The following ZNF264 variants were observed in gnomAD, a reference collection of about 807,000 sequenced individuals.
ZNF264 encodes zinc finger protein 264.
Under a neutral mutation model 11.2 loss-of-function variants are expected in ZNF264, and 11 were observed. The ratio of observed to expected loss-of-function variants is 0.98; its 90% CI spans 0.62 to 1.63. The LOEUF is 1.63. Among genes scored for constraint, ZNF264 ranks in the 40% most tolerant of loss-of-function variants. The pLI is 0.00. For synonymous variants in ZNF264, 309 were observed against 279.8 expected (o/e 1.10, Z -1.04); for missense variants, 752 against 768.1 (o/e 0.98, Z 0.25).
At chr19:57,198,281 C>CT (rs1399110007) in intron 2 of ZNF264, among the ~76,000 whole-genome samples, 1 of 151,998 alleles carries the variant, frequency 6.6e-6, no homozygotes, top group Non-Finnish European at 1.5e-5. Context: ...CAGTCATTCT[C>CT]TAAGATCCGT....
chr19:57,221,847 CAGT>C lies in ZNF264; in HGVS notation c.*8871_*8873del, dbSNP rs1427446584. On this transcript the variant is annotated 3_prime_UTR_variant, in exon 4 of 4. Transcript: ENST00000263095. ...CTACTCCTGTTTTGGGTGGGTGGAG[CAGT>C]AGTAAGCCTCCCAAAATCTAAGGTC... is the stretch of plus-strand genomic sequence containing the variant. 1.3e-5 allele frequency: 2 copies of C among 152,080 alleles called. No individual in the cohort carries two copies. The highest frequency in any genetic ancestry group is 4.8e-5 in the African/African-American group (2 of 41,406). 9.4% of individuals were successfully genotyped at this position (152,080 alleles called of 1,614,324 possible). A position where few individuals can be genotyped will look rare whatever the true frequency, so the allele number is the denominator to read the frequency against.
intron 2 of ZNF264, among the ~76,000 whole-genome samples, chr19:57,197,801 C>CCA (rs2087223085): frequency 6.6e-6 from 1 of 151,948 alleles, no homozygotes; most frequent in African/African-American, 2.4e-5. Context: ...TCTTGACAGG[C>CCA]CACACACCAC....
At position 57,191,591 on chromosome 19, in the gene ZNF264, G is replaced by C. The variant is rs2087172921; in HGVS notation, c.-323G>C. 1 of 322,916 alleles carries C rather than the reference G, an allele frequency of 3.1e-6. No individual in the cohort carries two copies. The highest frequency in any genetic ancestry group is 5.6e-6 in the Non-Finnish European group (1 of 178,114). 20.0% of individuals were successfully genotyped at this position (322,916 alleles called of 1,614,324 possible). ...CAGGTCCCTAGTCAGGACCGAGCAG[G>C]GGAGTAGGATAGGAATCCCCGCCGC... On this transcript the variant is annotated 5_prime_UTR_variant, in exon 1 of 4. Coordinates refer to ENST00000263095, the MANE Select transcript of ZNF264 (RefSeq NM_003417.5).
Position 57,220,288 on chromosome 19 carries a change from T to C in ZNF264, c.*7307T>C, listed in dbSNP as rs1285184014. On this transcript the variant is annotated 3_prime_UTR_variant, in exon 4 of 4. Transcript: ENST00000263095. The stretch of plus-strand genomic sequence containing the variant: ...AATACATCTTGACTGTTTCTTCAAC[T>C]TGAGGAAGGTAAACCAAAGCCACTC... 6.6e-6 allele frequency: 1 copy of C among 152,228 alleles called. No homozygotes were observed. The highest frequency in any genetic ancestry group is 2.4e-5 in the African/African-American group (1 of 41,450). The allele number at this position is 152,228 out of a possible 1,614,324, so 9.4% of individuals were successfully genotyped here.
Position 57,212,574 on chromosome 19 carries a change from ACC to A in ZNF264, c.1479_1480del (p.Arg494HisfsTer12), listed in dbSNP as rs1696284782. ...GTGCGTGGAGTGTGGAAAGGCCTTC[ACC>A]CGCATGTCGGGCCTCACGAGGCACA... is the stretch of plus-strand genomic sequence containing the variant. ...YECVECGKAF[T>X]RMSGLTRHKR... On this transcript the variant is annotated frameshift_variant, in exon 4 of 4. Transcript: ENST00000263095. LOFTEE classifies it low-confidence loss of function (END_TRUNC). 6.2e-7 allele frequency: 1 copy of A among 1,614,062 alleles called. No homozygotes were observed. Among genetic ancestry groups the A allele is most frequent in the Non-Finnish European group, 8.5e-7 (1 of 1,180,048 alleles).
rs1193472330 is a variant in ZNF264 at position 57,220,981 on chromosome 19, C to G, written c.*8000C>G. The G allele has an allele frequency of 6.6e-6, 1 of 151,984 alleles. No individual in the cohort carries two copies. The highest frequency in any genetic ancestry group is 1.5e-5 in the Non-Finnish European group (1 of 68,024). 9.4% of individuals were successfully genotyped at this position (151,984 alleles called of 1,614,324 possible). A position where few individuals can be genotyped will look rare whatever the true frequency, so the allele number is the denominator to read the frequency against. On this transcript the variant is annotated 3_prime_UTR_variant, in exon 4 of 4. Transcript: ENST00000263095. Reference sequence around the variant, plus strand: ...TTTGGTTCCCTCACAGAATGTTTACCATGAAGCTGTGCGTATAGGTGGTAC... The same window carrying G: ...TTTGGTTCCCTCACAGAATGTTTACGATGAAGCTGTGCGTATAGGTGGTAC...
At chr19:57,200,846 A>G (rs1269055693) in intron 2 of ZNF264, among the ~76,000 whole-genome samples, 1 of 151,850 alleles carries the variant, frequency 6.6e-6, no homozygotes, top group Non-Finnish European at 1.5e-5. Flanking sequence ...TCCTGAGCTG[A>G]AGTGATCCAT....
Position 57,215,551 on chromosome 19 carries a change from G to A in ZNF264, c.*2570G>A, listed in dbSNP as rs1323957332. The A allele has an allele frequency of 6.6e-6, 1 of 151,896 alleles. No individual in the cohort carries two copies. Among genetic ancestry groups the A allele is most frequent in the Admixed American group, 6.6e-5 (1 of 15,254 alleles). 9.4% of individuals were successfully genotyped at this position (151,896 alleles called of 1,614,324 possible). A position where few individuals can be genotyped will look rare whatever the true frequency, so the allele number is the denominator to read the frequency against. On this transcript the variant is annotated 3_prime_UTR_variant, in exon 4 of 4. Coordinates refer to ENST00000263095, the MANE Select transcript of ZNF264 (RefSeq NM_003417.5). ...ATTTCTTTGATTTCTGCTCTGATCG[G>A]TATTATATTCCACTTGCTTTGGTTG...
Position 57,191,883 on chromosome 19 carries a change from G to C in ZNF264, c.-31G>C. On this transcript the variant is annotated 5_prime_UTR_variant, in exon 1 of 4. Transcript: ENST00000263095. Reference sequence around the variant, plus strand: ...CCGTCAGGCCGCCCGGGGCTCCTCTGTCCCAGCTCTGCGGCCCAGGGGGTG... The same window carrying C: ...CCGTCAGGCCGCCCGGGGCTCCTCTCTCCCAGCTCTGCGGCCCAGGGGGTG... 1 of 1,417,776 alleles carries C rather than the reference G, an allele frequency of 7.1e-7. No homozygotes were observed. Among genetic ancestry groups the C allele is most frequent in the South Asian group, 1.6e-5 (1 of 64,316 alleles). The allele number at this position is 1,417,776 out of a possible 1,614,324, so 87.8% of individuals were successfully genotyped here.
rs1201935914 is a variant in ZNF264, at chr19:57,222,602, A to AATAT, written c.*9630_*9633dup. 3 of 151,054 alleles carry AATAT rather than the reference A, an allele frequency of 2.0e-5. No individual in the cohort carries two copies. Among genetic ancestry groups the AATAT allele is most frequent in the Non-Finnish European group, 4.4e-5 (3 of 67,818 alleles). 9.4% of individuals were successfully genotyped at this position (151,054 alleles called of 1,614,324 possible). A position where few individuals can be genotyped will look rare whatever the true frequency, so the allele number is the denominator to read the frequency against. ...ACACACACACATATACACGTGTATG[A>AATAT]ATATATATATATGGCTATAAGTGGT... On this transcript the variant is annotated 3_prime_UTR_variant, in exon 4 of 4. Coordinates refer to ENST00000263095, the MANE Select transcript of ZNF264 (RefSeq NM_003417.5).
At position 57,193,919 on chromosome 19, in the gene ZNF264, G is replaced by A. The variant is rs1219886997; in HGVS notation, c.78G>A (p.Glu26=). The change falls in exon 2 of 4, where the codon GAG becomes GAA. Residue 26 remains glutamate, a synonymous_variant. Coordinates refer to ENST00000263095, the MANE Select transcript of ZNF264 (RefSeq NM_003417.5). ...FDDVAVTFTK[E]EWGQLDLAQR... is the part of the protein sequence containing the mutation. ...ATGTGGCTGTGACTTTCACCAAGGA[G>A]GAGTGGGGGCAGCTGGACCTAGCTC... The A allele has an allele frequency of 6.2e-7, 1 of 1,614,124 alleles. No homozygotes were observed. The highest frequency in any genetic ancestry group is 8.5e-7 in the Non-Finnish European group (1 of 1,179,998).
In ZNF264 at chr19:57,211,759, A is replaced by G. The variant is rs764859127; in HGVS notation, c.662A>G (p.His221Arg). 2 of 1,614,256 alleles carry G rather than the reference A, an allele frequency of 1.2e-6. No individual in the cohort carries two copies. The highest frequency in any genetic ancestry group is 1.1e-5 in the South Asian group (1 of 91,090). The change falls in exon 4 of 4, where the codon CAT (histidine) becomes CGT (arginine). Residue 221 changes from histidine to arginine, a missense_variant. His to Arg is a conservative substitution (Grantham distance 29, BLOSUM62 0). Coordinates refer to ENST00000263095, the MANE Select transcript of ZNF264 (RefSeq NM_003417.5). ...VFNKKHLLAG[H>R]EKIHSGVKPY... is the part of the protein sequence containing the mutation. ...AACAAGAAACACCTCCTTGCTGGAC[A>G]TGAGAAAATTCACTCTGGAGTTAAG...
intron 2 of ZNF264, among the ~76,000 whole-genome samples, chr19:57,198,134 G>A (rs2087225728): frequency 6.6e-6 from 1 of 152,032 alleles, no homozygotes. Flanking sequence ...GGACAGGAAT[G>A]GAGAAAAAGG....
chr19:57,206,200 ACT>A (rs2087290834), intron 3 of ZNF264, among the ~76,000 whole-genome samples: 1 of 151,820 alleles, frequency 6.6e-6, no homozygotes, highest in Admixed American at 6.6e-5. Context: ...GTGAGCACCT[ACT>A]CTCAGTCCAC....
intron 3 of ZNF264, among the ~76,000 whole-genome samples, chr19:57,208,695 G>T (rs975887710): frequency 2.0e-5 from 3 of 152,114 alleles, no homozygotes; most frequent in Non-Finnish European, 4.4e-5. Context: ...TGCATTTTTT[G>T]ATCATTCTTG....
rs1018435113 is a variant in ZNF264, at chr19:57,216,377, A to G, written c.*3396A>G. The stretch of plus-strand genomic sequence containing the variant: ...ACAACAACAACAAAAAGTCCTGAAC[A>G]TGATTGTGGAAGTGTGTTGCTCTTT... On this transcript the variant is annotated 3_prime_UTR_variant, in exon 4 of 4. Coordinates refer to ENST00000263095, the MANE Select transcript of ZNF264 (RefSeq NM_003417.5). 1.3e-5 allele frequency: 2 copies of G among 152,232 alleles called. No homozygotes were observed. The highest frequency in any genetic ancestry group is 2.9e-5 in the Non-Finnish European group (2 of 68,070). 9.4% of individuals were successfully genotyped at this position (152,232 alleles called of 1,614,324 possible).
At chr19:57,209,513 G>C (rs760639288) in intron 3 of ZNF264, among the ~76,000 whole-genome samples, 1 of 152,110 alleles carries the variant, frequency 6.6e-6, no homozygotes, top group East Asian at 1.9e-4. Context: ...CATTGATCTA[G>C]ATCATCTTTA....
chr19:57,208,742 CAA>C (rs762428309), intron 3 of ZNF264, among the ~76,000 whole-genome samples: 19 of 152,238 alleles, frequency 1.2e-4, no homozygotes, highest in South Asian at 8.3e-4. Context: ...TGCAAATGCT[CAA>C]GTTTGCAAGA....
At position 57,206,670 on chromosome 19, in the gene ZNF264, T is replaced by C. The variant is rs561497462; in HGVS notation, c.256+1178T>C. 1.7e-4 allele frequency among the ~76,000 whole-genome samples: 25 copies of C among 150,690 alleles called. No individual in the cohort carries two copies. In the South Asian group the frequency reaches 1.7e-3, roughly 10 times the overall value. On this transcript the variant is annotated intron_variant, in intron 3 of 3. Transcript: ENST00000263095. ...TTATTAACCTTAAAGAGTGATGCTA[T>C]GTTACATTTCCTTCTGAACTCTAGG...
Sources: gnomAD v4.1 joint callset for allele counts (sites outside exome capture counted in the v4.1 genomes callset) on GRCh38, gnomAD v4.1.1 for gene constraint, MANE v1.5 for transcripts, NCBI Gene and HGNC (gene_info 2026-07-23, HGNC 2026-07-21) for gene names.